The following SNTB1 variants were observed in gnomAD, a reference collection of about 807,000 sequenced individuals.
The protein encoded by SNTB1 is beta-1-syntrophin.
A neutral mutation model predicts 48.9 loss-of-function variants in SNTB1; 36 were observed. The ratio of observed to expected loss-of-function variants is 0.74; its 90% CI spans 0.56 to 0.97. The LOEUF (loss-of-function observed/expected upper bound fraction) is 0.97, where lower values mean the gene tolerates loss of function less well. Among genes scored for constraint, SNTB1 ranks in the 50% least tolerant of loss-of-function variants. The pLI is 0.00. For missense variants in SNTB1, 786 were observed against 703.4 expected (o/e 1.12, Z -1.33); for synonymous variants, 299 against 294.6 (o/e 1.01, Z -0.15).
intron 1 of SNTB1, among the ~76,000 whole-genome samples, chr8:120,728,014 C>T (rs966741609): frequency 2.0e-5 from 3 of 152,008 alleles, no homozygotes; most frequent in Non-Finnish European, 2.9e-5. Flanking sequence ...TTGTATTTTT[C>T]ATTTATTTAT....
intron 2 of SNTB1, among the ~76,000 whole-genome samples, chr8:120,633,319 G>C (rs1817014538): frequency 6.6e-6 from 1 of 152,124 alleles, no homozygotes; most frequent in African/African-American, 2.4e-5. Flanking sequence ...TCTATTTAAA[G>C]TCCAGGCCCA....
At chr8:120,697,096 T>A (rs1354249326) in intron 1 of SNTB1, among the ~76,000 whole-genome samples, 1 of 152,192 alleles carries the variant, frequency 6.6e-6, no homozygotes, top group African/African-American at 2.4e-5. Flanking sequence ...AATCTCCACA[T>A]AAGGGAAGAG....
chr8:120,644,772 T>C (rs145500190), intron 2 of SNTB1, among the ~76,000 whole-genome samples: 93,582 of 144,224 alleles, frequency 0.65, 32,222 homozygotes, highest in Middle Eastern at 0.78. Flanking sequence ...AGTTTACAGT[T>C]CCACCAACAG....
intron 1 of SNTB1, among the ~76,000 whole-genome samples, chr8:120,719,445 A>G (rs151066926): frequency 2.0e-5 from 3 of 152,184 alleles, no homozygotes; most frequent in East Asian, 1.9e-4. Flanking sequence ...GAGTGAGTTA[A>G]TACTATTGAA....
chr8:120,571,673 A>G (rs1360398761), intron 4 of SNTB1, among the ~76,000 whole-genome samples: 1 of 150,874 alleles, frequency 6.6e-6, no homozygotes, highest in Non-Finnish European at 1.5e-5. Context: ...TAATTTTTGT[A>G]TTTTTAGTAG....
At chr8:120,758,730 A>G (rs894975740) in intron 1 of SNTB1, among the ~76,000 whole-genome samples, 23 of 152,134 alleles carry the variant, frequency 1.5e-4, no homozygotes, top group Admixed American at 9.8e-4. Flanking sequence ...ACACTACTCA[A>G]TTGCAGACTA....
At chr8:120,704,010 C>T (rs1372521078) in intron 1 of SNTB1, among the ~76,000 whole-genome samples, 5 of 152,192 alleles carry the variant, frequency 3.3e-5, no homozygotes, top group South Asian at 4.1e-4. Flanking sequence ...AGATTTGAAT[C>T]GAGGGTGTCT....
intron 3 of SNTB1, among the ~76,000 whole-genome samples, chr8:120,619,804 T>A (rs1162660994): frequency 6.7e-6 from 1 of 150,182 alleles, no homozygotes; most frequent in Non-Finnish European, 1.5e-5. Flanking sequence ...GAGGCCCAGA[T>A]AACCCCCTCT....
chr8:120,571,077 A>T, intron 4 of SNTB1: 1 of 636,390 alleles, frequency 1.6e-6, no homozygotes, highest in Non-Finnish European at 2.2e-6. Context: ...GATGATTTAT[A>T]AATGTTGACT....
At chr8:120,715,972 T>C (rs937367169) in intron 1 of SNTB1, among the ~76,000 whole-genome samples, 1 of 152,184 alleles carries the variant, frequency 6.6e-6, no homozygotes, top group Non-Finnish European at 1.5e-5. Flanking sequence ...AAATTCCTTC[T>C]GAGTTAATCC....
chr8:120,645,529 G>C (rs1817277350), intron 2 of SNTB1, among the ~76,000 whole-genome samples: 1 of 150,982 alleles, frequency 6.6e-6, no homozygotes, highest in Non-Finnish European at 1.5e-5. Flanking sequence ...CTATATCTCT[G>C]TTTTGGTACC....
At chr8:120,562,165 T>G (rs1476531175) in intron 4 of SNTB1, among the ~76,000 whole-genome samples, 3 of 152,222 alleles carry the variant, frequency 2.0e-5, no homozygotes, top group Non-Finnish European at 2.9e-5. Context: ...CTTTAACAAT[T>G]GCTAACATTT....
At position 120,536,161 on chromosome 8, in the gene SNTB1, C is replaced by G. The variant is rs1815200116; in HGVS notation, c.*2716G>C. The G allele has an allele frequency of 6.6e-6, 1 of 152,208 alleles. No individual in the cohort carries two copies. Among genetic ancestry groups the G allele is most frequent in the Admixed American group, 6.5e-5 (1 of 15,274 alleles). The allele number at this position is 152,208 out of a possible 1,614,324, so 9.4% of individuals were successfully genotyped here. The stretch of plus-strand genomic sequence containing the variant: ...CAATATCTATATTCCTATTGGCCTT[C>G]TTTAAATCCCTATGAGATGGCTTAA... On this transcript the variant is annotated 3_prime_UTR_variant, in exon 7 of 7. Transcript: ENST00000517992.
At chr8:120,564,489 A>G (rs1815716564) in intron 4 of SNTB1, among the ~76,000 whole-genome samples, 1 of 150,162 alleles carries the variant, frequency 6.7e-6, no homozygotes, top group Non-Finnish European at 1.5e-5. Context: ...CCCAGTCTAT[A>G]GTATTTTGTT....
chr8:120,752,251 TTATAA>T (rs1331217077), intron 1 of SNTB1, among the ~76,000 whole-genome samples: 7 of 152,180 alleles, frequency 4.6e-5, no homozygotes, highest in Non-Finnish European at 8.8e-5. Context: ...AGTTAGCACA[TTATAA>T]TATATCTGTG....
intron 1 of SNTB1, among the ~76,000 whole-genome samples, chr8:120,771,738 T>A (rs2130100870): frequency 6.6e-6 from 1 of 152,052 alleles, no homozygotes; most frequent in Middle Eastern, 3.4e-3. Context: ...TACATCAAGC[T>A]CTCTGAGCCT....
chr8:120,594,486 C>A (rs1156931172), intron 3 of SNTB1, among the ~76,000 whole-genome samples: 1 of 152,104 alleles, frequency 6.6e-6, no homozygotes, highest in Admixed American at 6.5e-5. Flanking sequence ...GATCCACCTG[C>A]CTCGGCCTCC....
chr8:120,606,444 C>T (rs1018915049), intron 3 of SNTB1, among the ~76,000 whole-genome samples: 5 of 151,294 alleles, frequency 3.3e-5, no homozygotes, highest in African/African-American at 1.2e-4. Flanking sequence ...TATATACACA[C>T]ACTCCAAATC....
At chr8:120,747,026 G>A (rs1036952809) in intron 1 of SNTB1, among the ~76,000 whole-genome samples, 1 of 151,686 alleles carries the variant, frequency 6.6e-6, no homozygotes, top group Non-Finnish European at 1.5e-5. Flanking sequence ...CGGAAGCAAT[G>A]AATTGTTTTT....
Sources: allele counts gnomAD v4.1 joint callset (sites outside exome capture counted in the v4.1 genomes callset), GRCh38; gene constraint gnomAD v4.1.1; transcripts MANE v1.5; gene names NCBI Gene and HGNC (gene_info 2026-07-23, HGNC 2026-07-21).